Variants in FNIP1 observed in about 807,000 individuals in gnomAD.
The protein encoded by FNIP1 is folliculin interacting protein 1.
A neutral mutation model predicts 124.5 loss-of-function variants in FNIP1; 40 were observed. The ratio of observed to expected loss-of-function variants is 0.32; its 90% CI spans 0.25 to 0.42. The LOEUF is 0.42. Ranked by LOEUF, FNIP1 falls within the 10% of genes least tolerant of loss-of-function variation. The pLI is 1.00. For synonymous variants in FNIP1, 472 were observed against 470.6 expected, an observed-to-expected ratio of 1.00 and a Z score of -0.04; for missense variants, 1,176 against 1,403.7, an observed-to-expected ratio of 0.84 and a Z score of 2.59.
intron 1 of FNIP1, among the ~76,000 whole-genome samples, chr5:131,761,383 CTA>C (rs1261423778): frequency 6.6e-6 from 1 of 152,108 alleles, no homozygotes; most frequent in Non-Finnish European, 1.5e-5. Flanking sequence ...CCTAAAGACT[CTA>C]TGAAAAAACT....
At chr5:131,795,533 C>T (rs547996106) in intron 1 of FNIP1, 1 of 152,120 alleles carries the variant, frequency 6.6e-6, no homozygotes, top group African/African-American at 2.4e-5. Flanking sequence ...CTAGATGGCT[C>T]AATGTAGTAT....
intron 1 of FNIP1, among the ~76,000 whole-genome samples, chr5:131,786,453 G>C (rs1035775909): frequency 5.3e-5 from 8 of 152,212 alleles, no homozygotes; most frequent in Non-Finnish European, 8.8e-5. Flanking sequence ...CAAGCAGTTT[G>C]CAAACACATG....
In FNIP1 at chr5:131,643,346, A is replaced by T. The variant is rs1402172550; in HGVS notation, c.*1339T>A. 1 of 152,782 alleles carries T rather than the reference A, an allele frequency of 6.5e-6. No individual in the cohort carries two copies. The highest frequency in any genetic ancestry group is 1.5e-5 in the Non-Finnish European group (1 of 68,036). The allele number at this position is 152,782 out of a possible 1,614,324, so 9.5% of individuals were successfully genotyped here. On this transcript the variant is annotated 3_prime_UTR_variant, in exon 18 of 18. Coordinates refer to ENST00000510461, the MANE Select transcript of FNIP1 (RefSeq NM_133372.3). The stretch of plus-strand genomic sequence containing the variant: ...ATAAACAAGTGGTTTTCTTTTTTTA[A>T]TCAATGATGAAATTATGATGAAAAT...
chr5:131,677,125 G>A (rs1767934799), intron 13 of FNIP1, among the ~76,000 whole-genome samples: 1 of 152,156 alleles, frequency 6.6e-6, no homozygotes, highest in South Asian at 2.1e-4. Context: ...CCTACTTTAT[G>A]AATAAGGAAA....
chr5:131,743,467 G>A (rs997306609), intron 2 of FNIP1, among the ~76,000 whole-genome samples: 8 of 151,782 alleles, frequency 5.3e-5, no homozygotes, highest in African/African-American at 1.9e-4. Context: ...GTGATAGAGA[G>A]ACAAAGGGAA....
chr5:131,677,659 CA>C lies in FNIP1; in HGVS notation c.1519+43del, dbSNP rs1458413510. On this transcript the variant is annotated intron_variant, in intron 13 of 17. Transcript: ENST00000510461. ...GCTATAAAATAATTACAGATAGCTA[CA>C]AAAAAGTCTAATACATAGTGTAACA... 2.7e-6 allele frequency: 4 copies of C among 1,503,862 alleles called. No individual in the cohort carries two copies. The African/African-American group carries it at 5.6e-5, about 21-fold the overall frequency. 93.2% of individuals were successfully genotyped at this position (1,503,862 alleles called of 1,614,324 possible).
chr5:131,672,816 A>G lies in FNIP1; in HGVS notation c.1628T>C (p.Ile543Thr). The G allele has an allele frequency of 1.2e-6, 2 of 1,613,306 alleles. No individual in the cohort carries two copies. The highest frequency in any genetic ancestry group is 1.7e-6 in the Non-Finnish European group (2 of 1,179,784). ...QRLLYFLTYF[I>T]RCSELQETHL... ...CGTTTCTTGAAGTTCAGAGCATCTT[A>G]TAAAATAAGTAAGAAAATAAAGTAG... Residue 543 changes from isoleucine (I) to threonine (T), a missense_variant, in exon 14 of 18, where the codon ATA becomes ACA. Physicochemically the swap from Ile to Thr is moderately conservative, Grantham distance 89. Around this residue, in one of 2 missense-constraint regions of FNIP1, gnomAD observed 1,109 missense variants for 1,288.5 expected, o/e 0.86. Coordinates refer to ENST00000510461, the MANE Select transcript of FNIP1 (RefSeq NM_133372.3).
chr5:131,763,921 T>C (rs779717917), intron 1 of FNIP1, among the ~76,000 whole-genome samples: 8 of 152,094 alleles, frequency 5.3e-5, no homozygotes, highest in Non-Finnish European at 1.0e-4. Context: ...CAAAATCTCA[T>C]GTTGAAAGTA....
At chr5:131,645,521 T>G (rs1189986469) in intron 17 of FNIP1, among the ~76,000 whole-genome samples, 1 of 152,190 alleles carries the variant, frequency 6.6e-6, no homozygotes, top group East Asian at 1.9e-4. Context: ...AGATACCATT[T>G]TTTAGATAGT....
At chr5:131,772,017 G>A (rs950724944) in intron 1 of FNIP1, among the ~76,000 whole-genome samples, 1 of 152,050 alleles carries the variant, frequency 6.6e-6, no homozygotes, top group Non-Finnish European at 1.5e-5. Flanking sequence ...GCCCAGGTAG[G>A]TGTGTTTCTT....
At chr5:131,775,308 A>T (rs1771764058) in intron 1 of FNIP1, among the ~76,000 whole-genome samples, 1 of 152,150 alleles carries the variant, frequency 6.6e-6, no homozygotes, top group South Asian at 2.1e-4. Flanking sequence ...TGTTTTCAGA[A>T]AGTTGAATAA....
chr5:131,765,262 T>C (rs1321978909), intron 1 of FNIP1, among the ~76,000 whole-genome samples: 2 of 152,170 alleles, frequency 1.3e-5, no homozygotes, highest in Non-Finnish European at 2.9e-5. Context: ...TTTCTTTCAG[T>C]TAATGGAAGT....
intron 10 of FNIP1, among the ~76,000 whole-genome samples, chr5:131,702,460 C>T (rs555229379): frequency 3.7e-4 from 57 of 152,206 alleles, no homozygotes; most frequent in African/African-American, 1.4e-3. Flanking sequence ...CAAGTAAAAG[C>T]ACAATATGCA....
intron 1 of FNIP1, among the ~76,000 whole-genome samples, chr5:131,754,879 G>C (rs116175187): frequency 7.1e-4 from 108 of 152,344 alleles, no homozygotes; most frequent in Middle Eastern, 3.4e-3. Flanking sequence ...CTAAGGAATA[G>C]CACTGAAAAT....
chr5:131,783,125 C>T (rs1169983965), intron 1 of FNIP1, among the ~76,000 whole-genome samples: 1 of 152,102 alleles, frequency 6.6e-6, no homozygotes, highest in Non-Finnish European at 1.5e-5. Context: ...ATTTACTGGC[C>T]TAGAATTGAA....
intron 1 of FNIP1, among the ~76,000 whole-genome samples, chr5:131,764,010 A>G (rs553294170): frequency 2.3e-4 from 35 of 152,106 alleles, no homozygotes; most frequent in South Asian, 6.2e-4. Context: ...GTTTAGCACC[A>G]TCCCTTTGAT....
chr5:131,735,454 A>ATTTTATAAATATAT (rs1770258426), intron 2 of FNIP1, among the ~76,000 whole-genome samples: 1 of 147,480 alleles, frequency 6.8e-6, no homozygotes, highest in Non-Finnish European at 1.5e-5. Flanking sequence ...AACTTAAAGT[A>ATTTTATAAATATAT]TTTTATATAT....
chr5:131,796,790 A>C (rs542481323), intron 1 of FNIP1, 40 bp downstream of exon 1: 1 of 1,535,558 alleles, frequency 6.5e-7, no homozygotes, highest in Admixed American at 2.0e-5. Context: ...GGAGCCCACA[A>C]GGCCATCGGC....
intron 14 of FNIP1, among the ~76,000 whole-genome samples, chr5:131,671,056 G>GTACATACATA (rs1476177885): frequency 4.6e-5 from 7 of 152,174 alleles, no homozygotes; most frequent in South Asian, 2.1e-4. Flanking sequence ...CAAGTCCAAA[G>GTACATACATA]CTAGGTATGT....
Sources: allele counts gnomAD v4.1 joint callset (sites outside exome capture counted in the v4.1 genomes callset), GRCh38; gene constraint gnomAD v4.1.1; regional missense constraint gnomAD v4.1.1; transcripts MANE v1.5; gene names NCBI Gene and HGNC (gene_info 2026-07-23, HGNC 2026-07-21).